MNAT1: variants seen among roughly 807,000 people sequenced by gnomAD.
MNAT1 encodes CDK-activating kinase assembly factor MAT1.
Under a neutral mutation model 42.0 loss-of-function variants are expected in MNAT1, and 43 were observed. The observed-to-expected ratio is 1.02, with a 90% CI of 0.80 to 1.32. MNAT1 has a LOEUF of 1.32. Ranked by LOEUF, MNAT1 falls within the 40% of genes most tolerant of loss-of-function variation. The probability of loss-of-function intolerance (pLI) is 0.00; values close to 1 mark genes in which losing one functional copy is unlikely to be tolerated. For synonymous variants in MNAT1, 118 were observed against 120.0 expected, an observed-to-expected ratio of 0.98 and a Z score of 0.11; for missense variants, 306 against 350.4, an observed-to-expected ratio of 0.87 and a Z score of 1.01.
intron 3 of MNAT1, 37 bp from the exon 4 acceptor site, chr14:60,808,288 A>G: frequency 7.7e-7 from 1 of 1,304,648 alleles, no homozygotes; most frequent in Non-Finnish European, 1.1e-6. Context: ...TTTATATTAA[A>G]AATATTTTTC....
At chr14:60,742,860 A>G (rs1896513026) in intron 1 of MNAT1, among the ~76,000 whole-genome samples, 1 of 152,220 alleles carries the variant, frequency 6.6e-6, no homozygotes, top group Non-Finnish European at 1.5e-5. Flanking sequence ...ATATTATTCC[A>G]TTGTATGGCT....
At chr14:60,934,740 A>G (rs1235679752) in intron 7 of MNAT1, among the ~76,000 whole-genome samples, 5 of 152,238 alleles carry the variant, frequency 3.3e-5, no homozygotes, top group Admixed American at 3.3e-4. Flanking sequence ...GGACTAATAC[A>G]GACCATATGT....
chr14:60,860,354 C>CTTTTTTTTTTTT (rs11409940), intron 6 of MNAT1, among the ~76,000 whole-genome samples: 5 of 128,666 alleles, frequency 3.9e-5, no homozygotes, highest in East Asian at 4.5e-4. Context: ...TTTTTCTTTT[C>CTTTTTTTTTTTT]TTTTTTTTTT....
intron 3 of MNAT1, among the ~76,000 whole-genome samples, 193 bp downstream of exon 3, chr14:60,798,353 A>G (rs2032087905): frequency 6.6e-6 from 1 of 152,192 alleles, no homozygotes; most frequent in African/African-American, 2.4e-5. Flanking sequence ...GAACCTATTT[A>G]ATATTGTCTT....
chr14:60,778,713 C>T (rs529833494), intron 1 of MNAT1, among the ~76,000 whole-genome samples: 8 of 152,234 alleles, frequency 5.3e-5, no homozygotes, highest in African/African-American at 1.9e-4. Flanking sequence ...ACCTATAATC[C>T]TCTGGATTGA....
Position 60,745,448 on chromosome 14 carries a change from G to A in MNAT1, c.89+10497G>A, listed in dbSNP as rs557730883. ...TTTCTTTTTTGTTTGAGACAGTCTCGCTCTGTTGCCTAGGTTGGAATGCAG... is the reference window on the plus strand; with the variant it reads ...TTTCTTTTTTGTTTGAGACAGTCTCACTCTGTTGCCTAGGTTGGAATGCAG... On this transcript the variant is annotated intron_variant, in intron 1 of 7. Transcript: ENST00000261245. 5.9e-5 allele frequency among the ~76,000 whole-genome samples: 9 copies of A among 152,086 alleles called. No homozygotes were observed. The South Asian group carries it at 1.7e-3, about 28-fold the overall frequency.
At chr14:60,825,230 A>G (rs2033020664) in intron 6 of MNAT1, among the ~76,000 whole-genome samples, 1 of 152,228 alleles carries the variant, frequency 6.6e-6, no homozygotes, top group Non-Finnish European at 1.5e-5. Flanking sequence ...AATACCCACT[A>G]GAATGGCTAA....
Position 60,938,300 on chromosome 14 carries a change from G to T in MNAT1, c.810-29929G>T, listed in dbSNP as rs570231057. On this transcript the variant is annotated intron_variant, in intron 7 of 7. Coordinates refer to ENST00000261245, the MANE Select transcript of MNAT1 (RefSeq NM_002431.4). ...TGGTGAGAGAGGGCATCCCTGTCTT[G>T]TGCCAGTTTTCAAAGGGAATGCTTC... is the stretch of plus-strand genomic sequence containing the variant. Among the ~76,000 whole-genome samples, 40 of 152,190 alleles carry T rather than the reference G, an allele frequency of 2.6e-4. No homozygotes were observed. The East Asian group carries it at 6.2e-3, about 24-fold the overall frequency.
At chr14:60,761,254 T>C (rs943882608) in intron 1 of MNAT1, among the ~76,000 whole-genome samples, 1 of 152,182 alleles carries the variant, frequency 6.6e-6, no homozygotes, top group Non-Finnish European at 1.5e-5. Context: ...CATACCAGAT[T>C]CTAGGAATAG....
chr14:60,780,442 T>G (rs1483447754), intron 1 of MNAT1: 5 of 1,545,108 alleles, frequency 3.2e-6, no homozygotes, highest in Admixed American at 3.3e-5. Context: ...ATCTGCTGAT[T>G]TACACAGACA....
At chr14:60,879,419 G>C (rs2034500570) in intron 6 of MNAT1, among the ~76,000 whole-genome samples, 1 of 152,094 alleles carries the variant, frequency 6.6e-6, no homozygotes, top group African/African-American at 2.4e-5. Flanking sequence ...TAAACTTTTT[G>C]AAGTCTCTTG....
intron 6 of MNAT1, among the ~76,000 whole-genome samples, chr14:60,841,257 T>G (rs968948440): frequency 1.3e-5 from 2 of 152,058 alleles, no homozygotes; most frequent in African/African-American, 4.8e-5. Flanking sequence ...TTGTCTATTA[T>G]TTTTCTAGTC....
intron 1 of MNAT1, among the ~76,000 whole-genome samples, chr14:60,736,786 G>A (rs914577751): frequency 6.6e-6 from 1 of 151,972 alleles, no homozygotes; most frequent in African/African-American, 2.4e-5. Flanking sequence ...CTTGTATCAC[G>A]GTCCTTAAGT....
At chr14:60,808,581 G>A in intron 4 of MNAT1, 153 bp downstream of exon 4, 1 of 488,650 alleles carries the variant, frequency 2.0e-6, no homozygotes, top group Non-Finnish European at 3.7e-6. Context: ...GTATAGGTAT[G>A]TAGGTAGGCA....
chr14:60,792,928 A>G (rs1338508572), intron 1 of MNAT1, among the ~76,000 whole-genome samples: 1 of 152,208 alleles, frequency 6.6e-6, no homozygotes, highest in African/African-American at 2.4e-5. Flanking sequence ...TAGCACTCCT[A>G]GAGGCAAAAG....
chr14:60,847,180 G>A (rs1235432330), intron 6 of MNAT1, among the ~76,000 whole-genome samples: 11 of 151,976 alleles, frequency 7.2e-5, no homozygotes, highest in African/African-American at 2.2e-4. Context: ...CGAGGCGGGC[G>A]GATCATGAGG....
chr14:60,768,120 C>T (rs938822868), intron 1 of MNAT1, among the ~76,000 whole-genome samples: 5 of 152,134 alleles, frequency 3.3e-5, no homozygotes, highest in Middle Eastern at 3.4e-3. Flanking sequence ...AGGATGGTTT[C>T]GAACTCCTGA....
At chr14:60,760,556 T>G (rs902471771) in intron 1 of MNAT1, among the ~76,000 whole-genome samples, 1 of 152,218 alleles carries the variant, frequency 6.6e-6, no homozygotes, top group African/African-American at 2.4e-5. Flanking sequence ...TGTTTGTGCT[T>G]TAAGCAAACA....
intron 6 of MNAT1, among the ~76,000 whole-genome samples, chr14:60,860,222 C>T (rs1486281595): frequency 1.3e-5 from 2 of 152,044 alleles, no homozygotes; most frequent in East Asian, 3.8e-4. Flanking sequence ...TCTCTTCCTG[C>T]TTCTCTTCCT....
Sources: allele counts gnomAD v4.1 joint callset (sites outside exome capture counted in the v4.1 genomes callset), GRCh38; gene constraint gnomAD v4.1.1; transcripts MANE v1.5; gene names NCBI Gene and HGNC (gene_info 2026-07-23, HGNC 2026-07-21).